The following CACNA1A variants were observed in gnomAD, a reference collection of about 807,000 sequenced individuals.
CACNA1A encodes voltage-dependent P/Q-type calcium channel subunit alpha-1A.
Under a neutral mutation model 262.4 loss-of-function variants are expected in CACNA1A, and 57 were observed. That is an observed-to-expected ratio of 0.22 (90% CI 0.18 to 0.27). The LOEUF (loss-of-function observed/expected upper bound fraction) is 0.27, where lower values mean the gene tolerates loss of function less well. Among genes scored for constraint, CACNA1A ranks in the 10% least tolerant of loss-of-function variants. The probability of loss-of-function intolerance (pLI) is 1.00; values close to 1 mark genes in which losing one functional copy is unlikely to be tolerated. For synonymous variants in CACNA1A, 1,431 were observed against 1,419.3 expected, an observed-to-expected ratio of 1.01 and a Z score of -0.18; for missense variants, 2,526 against 3,562.8, an observed-to-expected ratio of 0.71 and a Z score of 7.41.
intron 10 of CACNA1A, among the ~76,000 whole-genome samples, chr19:13,329,409 T>C (rs2058428475): frequency 6.6e-6 from 1 of 152,146 alleles, no homozygotes; most frequent in Non-Finnish European, 1.5e-5. Context: ...TACAGGTTTA[T>C]TTGTGTAATT....
At chr19:13,303,229 G>T (rs1294163707) in intron 17 of CACNA1A, among the ~76,000 whole-genome samples, 1 of 152,048 alleles carries the variant, frequency 6.6e-6, no homozygotes, top group Non-Finnish European at 1.5e-5. Flanking sequence ...CTAGCCTGGG[G>T]GCTACACCAT....
At chr19:13,499,900 T>C (rs549860228) in intron 1 of CACNA1A, among the ~76,000 whole-genome samples, 231 of 152,142 alleles carry the variant, frequency 1.5e-3, no homozygotes, top group Non-Finnish European at 2.6e-3. Context: ...GGAGTCCACC[T>C]TCCCGGCGGT....
chr19:13,321,858 C>T (rs895487727), intron 10 of CACNA1A, among the ~76,000 whole-genome samples: 5 of 151,808 alleles, frequency 3.3e-5, no homozygotes, highest in Non-Finnish European at 5.9e-5. Context: ...ATATTATAAA[C>T]ACTGTATGCT....
At chr19:13,227,606 G>A in intron 36 of CACNA1A, 79 bp from the exon 37 acceptor site, 2 of 589,570 alleles carry the variant, frequency 3.4e-6, no homozygotes, top group East Asian at 3.2e-5. Flanking sequence ...ACCAAAGGAA[G>A]AGAGGTGGGG....
Position 13,285,437 on chromosome 19 carries a change from G to C in CACNA1A, c.3554-231C>G, listed in dbSNP as rs1316627148. Among the ~76,000 whole-genome samples, 3 of 152,236 alleles carry C rather than the reference G, an allele frequency of 2.0e-5. No homozygotes were observed. The East Asian group carries it at 5.8e-4, about 29-fold the overall frequency. On this transcript the variant is annotated intron_variant, in intron 20 of 46. Coordinates refer to ENST00000360228, the MANE Select transcript of CACNA1A (RefSeq NM_001127222.2). ...GAGGCACAGAGAAGTAAAGTGACTT[G>C]TCTAAGGTCACACAGCAGGAAGTGG...
At chr19:13,385,524 G>A (rs930380936) in intron 3 of CACNA1A, among the ~76,000 whole-genome samples, 8 of 151,828 alleles carry the variant, frequency 5.3e-5, no homozygotes, top group Non-Finnish European at 7.4e-5. Context: ...CACTGCGCCC[G>A]GCCTTCTTTT....
At chr19:13,288,206 C>G (rs1393567817) in intron 19 of CACNA1A, among the ~76,000 whole-genome samples, 1 of 151,362 alleles carries the variant, frequency 6.6e-6, no homozygotes, top group Non-Finnish European at 1.5e-5. Flanking sequence ...AAATGAATAC[C>G]CCCATTTTCT....
chr19:13,406,497 ATATATATATATATATG>A (rs2060010475), intron 3 of CACNA1A, among the ~76,000 whole-genome samples: 1 of 117,386 alleles, frequency 8.5e-6, no homozygotes, highest in African/African-American at 3.1e-5. Flanking sequence ...ATATATATAT[ATATATATATATATATG>A]AAGGGAATCT....
intron 3 of CACNA1A, among the ~76,000 whole-genome samples, chr19:13,441,849 G>C (rs1482073459): frequency 6.6e-6 from 1 of 152,038 alleles, no homozygotes; most frequent in Non-Finnish European, 1.5e-5. Flanking sequence ...GCTGGCATTT[G>C]TCATAGCAAT....
intron 25 of CACNA1A, chr19:13,262,216 A>G (rs571856801): frequency 6.4e-6 from 1 of 157,042 alleles, no homozygotes; most frequent in Admixed American, 6.1e-5. Flanking sequence ...CATATTACAT[A>G]AGAGATAATA....
intron 3 of CACNA1A, among the ~76,000 whole-genome samples, chr19:13,424,811 A>G: frequency 7.1e-6 from 1 of 140,978 alleles, no homozygotes; most frequent in East Asian, 2.2e-4. Context: ...ACAGACATCT[A>G]TTTCTTTTTT....
intron 3 of CACNA1A, among the ~76,000 whole-genome samples, chr19:13,407,925 C>T (rs1435974431): frequency 6.6e-6 from 1 of 152,048 alleles, no homozygotes; most frequent in Non-Finnish European, 1.5e-5. Flanking sequence ...TTGCTTTTCT[C>T]ATGACAGTGA....
chr19:13,293,353 C>T (rs893768969), intron 19 of CACNA1A, among the ~76,000 whole-genome samples: 1 of 150,176 alleles, frequency 6.7e-6, no homozygotes, highest in Non-Finnish European at 1.5e-5. Context: ...CCCCAAAATG[C>T]TACAAAAAAT....
intron 3 of CACNA1A, among the ~76,000 whole-genome samples, chr19:13,426,253 CTTTT>C (rs1178029623): frequency 6.6e-6 from 1 of 152,072 alleles, no homozygotes; most frequent in Admixed American, 6.6e-5. Context: ...ATATTATGGG[CTTTT>C]TTTAGATTTA....
rs1980678235 is a variant in CACNA1A, at chr19:13,490,692, G to GAAAGAAA, written c.293+15239_293+15240insTTTCTTT. Among the ~76,000 whole-genome samples the GAAAGAAA allele has an allele frequency of 4.7e-3, 621 of 132,694 alleles. 6 individuals carry two copies. The highest frequency in any genetic ancestry group is 0.017 in the African/African-American group (590 of 34,682). 87.1% of individuals were successfully genotyped at this position (132,694 alleles called of 152,430 possible). Reference sequence around the variant, plus strand: ...AGAAAGAGAGAGAGAGAGAAAGAAAGGAAAGAAAGAAAGAAAGAAAGAAAG... The same window carrying GAAAGAAA: ...AGAAAGAGAGAGAGAGAGAAAGAAAGAAAGAAAGAAAGAAAGAAAGAAAGAAAGAAAG... On this transcript the variant is annotated intron_variant, in intron 1 of 46. Coordinates refer to ENST00000360228, the MANE Select transcript of CACNA1A (RefSeq NM_001127222.2).
intron 28 of CACNA1A, among the ~76,000 whole-genome samples, chr19:13,255,753 T>TTCCCTCCC (rs1378112400): frequency 1.8e-5 from 1 of 55,942 alleles, no homozygotes; most frequent in African/African-American, 6.7e-5. Context: ...CCCTCCCTCC[T>TTCCCTCCC]TCCCTCCCTC....
At chr19:13,376,534 G>GAA (rs942689807) in intron 3 of CACNA1A, among the ~76,000 whole-genome samples, 10 of 149,000 alleles carry the variant, frequency 6.7e-5, no homozygotes, top group African/African-American at 2.2e-4. Context: ...GATCTACTCA[G>GAA]AAAAAAATAT....
intron 25 of CACNA1A, 176 bp from the exon 26 acceptor site, chr19:13,261,786 T>A (rs1600196319): frequency 1.7e-6 from 1 of 598,020 alleles, no homozygotes. Flanking sequence ...GTTGGAGGAG[T>A]TGGACTCAAT....
At position 13,227,449 on chromosome 19, in the gene CACNA1A, C is replaced by T. The variant is rs1132019; in HGVS notation, c.5607G>A (p.Pro1869=). The change falls in exon 37 of 47, where the codon CCG becomes CCA. Residue 1869 remains proline (P), a synonymous_variant. Transcript: ENST00000360228. ...SPPLGLGKKC[P]ARVAYKRLLR... is the part of the protein sequence containing the mutation. Reference sequence around the variant, plus strand: ...AGTCTACCTTGTAAGCCACTCTGGCCGGACACTTCTTCCCCAGACCCAGGG... The same window carrying T: ...AGTCTACCTTGTAAGCCACTCTGGCTGGACACTTCTTCCCCAGACCCAGGG... 30 of 1,606,676 alleles carry T rather than the reference C, an allele frequency of 1.9e-5. No individual in the cohort carries two copies. Among genetic ancestry groups the T allele is most frequent in the East Asian group, 9.0e-5 (4 of 44,680 alleles).
Sources: gnomAD v4.1 joint callset for allele counts (sites outside exome capture counted in the v4.1 genomes callset) on GRCh38, gnomAD v4.1.1 for gene constraint, MANE v1.5 for transcripts, NCBI Gene and HGNC (gene_info 2026-07-23, HGNC 2026-07-21) for gene names.